Variants in CFAP20DC observed in about 807,000 individuals in gnomAD.
The protein encoded by CFAP20DC is CFAP20 domain containing.
In CFAP20DC, 84 loss-of-function variants were observed where a neutral mutation model predicts 101.7. The observed-to-expected ratio is 0.83, with a 90% CI of 0.69 to 0.99. The LOEUF (loss-of-function observed/expected upper bound fraction) is 0.99. CFAP20DC is among the 50% of genes least tolerant of loss of function. The probability of loss-of-function intolerance (pLI) is 0.00; values close to 1 mark genes in which losing one functional copy is unlikely to be tolerated. For missense variants in CFAP20DC, 1,007 were observed against 970.3 expected (o/e 1.04, Z -0.50); for synonymous variants, 359 against 351.2 (o/e 1.02, Z -0.25).
chr3:59,025,162 C>T (rs2093872425), intron 4 of CFAP20DC, among the ~76,000 whole-genome samples: 1 of 152,182 alleles, frequency 6.6e-6, no homozygotes, highest in African/African-American at 2.4e-5. Context: ...CATACCAGAA[C>T]TCTGATGCCA....
At chr3:58,808,690 A>G (rs1254118754) in intron 14 of CFAP20DC, among the ~76,000 whole-genome samples, 1 of 152,230 alleles carries the variant, frequency 6.6e-6, no homozygotes, top group Non-Finnish European at 1.5e-5. Flanking sequence ...CATCATAATG[A>G]CAGGATCAAA....
intron 4 of CFAP20DC, among the ~76,000 whole-genome samples, chr3:58,938,631 G>A (rs1443531925): frequency 6.6e-6 from 1 of 151,974 alleles, no homozygotes. Context: ...TCATTCAAAC[G>A]CATCATTGTC....
chr3:58,970,998 C>T (rs972039075), intron 4 of CFAP20DC, among the ~76,000 whole-genome samples: 11 of 152,102 alleles, frequency 7.2e-5, no homozygotes, highest in Non-Finnish European at 1.3e-4. Context: ...TCAAATTATA[C>T]ATCTGTAACA....
chr3:58,967,721 A>C (rs763325571), intron 4 of CFAP20DC, among the ~76,000 whole-genome samples: 1 of 152,154 alleles, frequency 6.6e-6, no homozygotes, highest in Non-Finnish European at 1.5e-5. Context: ...TTGAACTTCT[A>C]TTTTAGGTTT....
At chr3:59,010,166 A>G (rs1168041474) in intron 4 of CFAP20DC, among the ~76,000 whole-genome samples, 1 of 152,136 alleles carries the variant, frequency 6.6e-6, no homozygotes, top group African/African-American at 2.4e-5. Flanking sequence ...CAAGGTCTTT[A>G]GGCAACAGCT....
chr3:58,833,514 C>T (rs1010020512), intron 13 of CFAP20DC, among the ~76,000 whole-genome samples: 1 of 152,032 alleles, frequency 6.6e-6, no homozygotes, highest in African/African-American at 2.4e-5. Context: ...CAAATCAAAA[C>T]CACAATGAGA....
At chr3:58,740,774 T>C (rs1414323753), downstream of CFAP20DC, among the ~76,000 whole-genome samples, 1 of 152,192 alleles carries the variant, frequency 6.6e-6, no homozygotes, top group Non-Finnish European at 1.5e-5. This position sits in a 1 kb window ranked among gnomAD's most constrained non-coding sequence, Gnocchi z 4.6. Flanking sequence ...CTCTTATTTA[T>C]GTCATATGTC....
chr3:58,922,848 C>T (rs923851641), intron 5 of CFAP20DC, among the ~76,000 whole-genome samples: 5 of 151,488 alleles, frequency 3.3e-5, no homozygotes, highest in African/African-American at 1.2e-4. Flanking sequence ...CAATGTGGAT[C>T]TTTAACTTAT....
chr3:58,850,098 A>G (rs1323661853), intron 12 of CFAP20DC, among the ~76,000 whole-genome samples: 1 of 152,196 alleles, frequency 6.6e-6, no homozygotes, highest in Non-Finnish European at 1.5e-5. Flanking sequence ...TAGAAATGCA[A>G]AAGTTTAAAT....
rs561174379 is a variant in CFAP20DC, at chr3:58,913,559, G to C, written c.550+149C>G. ...ATAGTAAAAATAAACATTTGATCTA[G>C]AACAAAGAAATCAGCATGACTGTTG... On this transcript the variant is annotated intron_variant, in intron 6 of 16. Transcript: ENST00000482387. The surrounding 1 kb of genome is among the most constrained non-coding windows in gnomAD (Gnocchi z 4.4). 2 of 741,704 alleles carry C rather than the reference G, an allele frequency of 2.7e-6. No individual in the cohort carries two copies. Among genetic ancestry groups the C allele is most frequent in the Admixed American group, 2.2e-5 (1 of 45,962 alleles). 45.9% of individuals were successfully genotyped at this position (741,704 alleles called of 1,614,324 possible). A position where few individuals can be genotyped will look rare whatever the true frequency, so the allele number is the denominator to read the frequency against.
chr3:58,724,875 A>G lies in CFAP20DC; in HGVS notation c.198-7247T>C, dbSNP rs2067527649. Among the ~76,000 whole-genome samples, 2 of 152,158 alleles carry G rather than the reference A, an allele frequency of 1.3e-5. No individual in the cohort carries two copies. The highest frequency in any genetic ancestry group is 4.8e-5 in the African/African-American group (2 of 41,438). On this transcript the variant is annotated intron_variant, in intron 3 of 3. Coordinates refer to the CFAP20DC transcript ENST00000486145. The surrounding 1 kb of genome is among the most constrained non-coding windows in gnomAD (Gnocchi z 5.6). ...TGGGATCTGGAAGTCAGCCCCAGGA[A>G]GCAGCCAACAAACAGATTAGTGGAG...
chr3:58,809,614 T>C (rs963849886), intron 14 of CFAP20DC, among the ~76,000 whole-genome samples: 2 of 151,782 alleles, frequency 1.3e-5, no homozygotes, highest in African/African-American at 4.8e-5. Flanking sequence ...AGATCCAAAA[T>C]TGACACCCTA....
At chr3:58,824,059 T>G (rs550736976) in intron 14 of CFAP20DC, among the ~76,000 whole-genome samples, 92 of 152,308 alleles carry the variant, frequency 6.0e-4, no homozygotes, top group African/African-American at 2.2e-3. Flanking sequence ...CTGTCTCTAT[T>G]GTCACTATTA....
At chr3:58,767,081 C>T (rs1226340490) in intron 15 of CFAP20DC, among the ~76,000 whole-genome samples, 1 of 152,180 alleles carries the variant, frequency 6.6e-6, no homozygotes, top group African/African-American at 2.4e-5. Context: ...AGTAGAGTTC[C>T]TGGCACACAG....
chr3:58,974,287 G>A (rs1298942439), intron 4 of CFAP20DC, among the ~76,000 whole-genome samples: 1 of 152,014 alleles, frequency 6.6e-6, no homozygotes, highest in Non-Finnish European at 1.5e-5. Flanking sequence ...AGTCCTCAGT[G>A]TCTTTTGTTC....
chr3:58,941,719 C>G (rs897972158), intron 4 of CFAP20DC, among the ~76,000 whole-genome samples: 1 of 152,120 alleles, frequency 6.6e-6, no homozygotes, highest in African/African-American at 2.4e-5. Flanking sequence ...CAGGCGCCCG[C>G]CACTGCCCTC....
chr3:58,835,445 T>C (rs1424177250), intron 13 of CFAP20DC, among the ~76,000 whole-genome samples: 1 of 152,176 alleles, frequency 6.6e-6, no homozygotes, highest in Admixed American at 6.6e-5. Flanking sequence ...GCTGAAGGAA[T>C]ATGTGGCTGC....
rs918759413 is a variant in CFAP20DC, at chr3:59,049,788, C to T, written c.-157G>A. The T allele has an allele frequency of 5.1e-6, 4 of 790,124 alleles. No homozygotes were observed. The highest frequency in any genetic ancestry group is 7.9e-6 in the Non-Finnish European group (4 of 508,720). 48.9% of individuals were successfully genotyped at this position (790,124 alleles called of 1,614,324 possible). A position where few individuals can be genotyped will look rare whatever the true frequency, so the allele number is the denominator to read the frequency against. Reference sequence around the variant, plus strand: ...CCAGACTTGGGCAGGCTCTTCTCAGCCCCTCCGGCCCCTGGTCAGCTCCAT... The same window carrying T: ...CCAGACTTGGGCAGGCTCTTCTCAGTCCCTCCGGCCCCTGGTCAGCTCCAT... On this transcript the variant is annotated 5_prime_UTR_variant, in exon 1 of 17. Transcript: ENST00000482387.
At chr3:58,801,247 T>A (rs1254724235) in intron 15 of CFAP20DC, among the ~76,000 whole-genome samples, 1 of 151,974 alleles carries the variant, frequency 6.6e-6, no homozygotes, top group African/African-American at 2.4e-5. Context: ...AGGTAATGAA[T>A]CTTTTCCTAG....
Sources: allele counts gnomAD v4.1 joint callset (sites outside exome capture counted in the v4.1 genomes callset), GRCh38; gene constraint gnomAD v4.1.1; non-coding constraint Gnocchi (gnomAD v3.1); transcripts MANE v1.5; gene names NCBI Gene and HGNC (gene_info 2026-07-23, HGNC 2026-07-21).